FMN1: variants seen among roughly 807,000 people sequenced by gnomAD.
FMN1 encodes formin 1, also known as formin-1.
Under a neutral mutation model 132.4 loss-of-function variants are expected in FMN1, and 110 were observed. The ratio of observed to expected loss-of-function variants is 0.83; its 90% confidence interval spans 0.71 to 0.97. FMN1 has a LOEUF of 0.97. FMN1 is among the 50% of genes least tolerant of loss of function. FMN1 has a pLI of 0.00. For missense variants in FMN1, 1,792 were observed against 1,705.3 expected, an observed-to-expected ratio of 1.05 and a Z score of -0.90; for synonymous variants, 722 against 651.7, an observed-to-expected ratio of 1.11 and a Z score of -1.64.
At chr15:32,846,434 C>T (rs1201016436) in intron 17 of FMN1, among the ~76,000 whole-genome samples, 1 of 152,100 alleles carries the variant, frequency 6.6e-6, no homozygotes, top group Non-Finnish European at 1.5e-5. Flanking sequence ...CTTCTCAAGA[C>T]ATTTATGCGG....
intron 3 of FMN1, among the ~76,000 whole-genome samples, chr15:33,160,626 T>G (rs1319825249): frequency 6.6e-6 from 1 of 152,254 alleles, no homozygotes; most frequent in Non-Finnish European, 1.5e-5. Context: ...AATTCCATGC[T>G]GAGTTCACAG....
intron 6 of FMN1, among the ~76,000 whole-genome samples, chr15:33,009,852 A>G (rs1319504884): frequency 6.6e-6 from 1 of 152,220 alleles, no homozygotes; most frequent in Non-Finnish European, 1.5e-5. Context: ...ACTCAGCAAT[A>G]AAGACGAATA....
intron 4 of FMN1, among the ~76,000 whole-genome samples, chr15:33,093,934 T>C (rs954961116): frequency 6.6e-6 from 1 of 152,212 alleles, no homozygotes; most frequent in African/African-American, 2.4e-5. Flanking sequence ...CCCACCTACA[T>C]GCTCATTTTA....
intron 10 of FMN1, among the ~76,000 whole-genome samples, chr15:32,919,724 C>G (rs58795595): frequency 1.3e-5 from 2 of 152,190 alleles, no homozygotes; most frequent in African/African-American, 4.8e-5. Context: ...AGACACTCTT[C>G]TAGGCTAGAC....
intron 2 of FMN1, among the ~76,000 whole-genome samples, chr15:33,185,590 T>C (rs1419608172): frequency 7.5e-6 from 1 of 133,242 alleles, no homozygotes. Flanking sequence ...TTTTTTTTTT[T>C]ACACAGAGTT....
intron 4 of FMN1, among the ~76,000 whole-genome samples, chr15:33,137,992 T>C (rs987848257): frequency 6.6e-6 from 1 of 152,228 alleles, no homozygotes; most frequent in African/African-American, 2.4e-5. Context: ...AAGATGGAGA[T>C]AATAATAACT....
chr15:33,110,683 TAA>T (rs2039667162), intron 4 of FMN1, among the ~76,000 whole-genome samples: 1 of 127,750 alleles, frequency 7.8e-6, no homozygotes, highest in Admixed American at 7.8e-5. Context: ...TAAATTTATA[TAA>T]ACACAGATCA....
At chr15:32,804,584 T>C (rs1387237510) in intron 17 of FMN1, among the ~76,000 whole-genome samples, 1 of 151,862 alleles carries the variant, frequency 6.6e-6, no homozygotes, top group Non-Finnish European at 1.5e-5. Flanking sequence ...TACATATGTA[T>C]ACATGTGCCA....
intron 5 of FMN1, among the ~76,000 whole-genome samples, chr15:33,065,410 T>A (rs777581745): frequency 2.6e-5 from 4 of 152,198 alleles, no homozygotes; most frequent in African/African-American, 4.8e-5. Flanking sequence ...ACTACACTGA[T>A]GTGCATTTAT....
chr15:33,172,162 C>A (rs1457013914), intron 3 of FMN1, among the ~76,000 whole-genome samples: 1 of 151,376 alleles, frequency 6.6e-6, no homozygotes, highest in Admixed American at 6.6e-5. Flanking sequence ...GAGCCGAGAT[C>A]GCGCCACTGC....
At position 33,153,870 on chromosome 15, in the gene FMN1, T is replaced by C; in HGVS notation, c.1045A>G (p.Lys349Glu). 1 of 1,536,752 alleles carries C rather than the reference T, an allele frequency of 6.5e-7. No homozygotes were observed. The highest frequency in any genetic ancestry group is 8.7e-7 in the Non-Finnish European group (1 of 1,147,044). ...QVQRVVKTHS[K>E]GKETIAIRPA... The stretch of plus-strand genomic sequence containing the variant: ...CGAATGGCAATCGTCTCCTTACCCT[T>C]AGAATGCGTTTTAACTACTCTTTGT... Residue 349 changes from lysine to glutamate, a missense_variant, in exon 4 of 21, where the codon AAG becomes GAG. This residue lies in a region of FMN1 where 638 missense variants were observed against 645.2 expected (regional missense o/e 0.99). Coordinates refer to ENST00000616417, the MANE Select transcript of FMN1 (RefSeq NM_001277313.2).
intron 4 of FMN1, among the ~76,000 whole-genome samples, chr15:33,118,637 A>T (rs1198671902): frequency 2.6e-5 from 4 of 152,152 alleles, no homozygotes; most frequent in African/African-American, 9.6e-5. Flanking sequence ...TCTTCCTCTC[A>T]CATCCTAATA....
At chr15:32,941,249 G>C (rs967133564) in intron 9 of FMN1, among the ~76,000 whole-genome samples, 1 of 152,184 alleles carries the variant, frequency 6.6e-6, no homozygotes, top group African/African-American at 2.4e-5. Flanking sequence ...AGATAGTTCA[G>C]AAAACATTTA....
At chr15:32,878,813 T>A (rs979149528) in intron 16 of FMN1, among the ~76,000 whole-genome samples, 1 of 152,204 alleles carries the variant, frequency 6.6e-6, no homozygotes, top group Non-Finnish European at 1.5e-5. Flanking sequence ...TTTCAATATT[T>A]TATGTTTCTT....
At position 32,832,143 on chromosome 15, in the gene FMN1, A is replaced by G. The variant is rs2058518060; in HGVS notation, c.3928+24872T>C. On this transcript the variant is annotated intron_variant, in intron 17 of 20. Coordinates refer to ENST00000616417, the MANE Select transcript of FMN1 (RefSeq NM_001277313.2). ...GGTTGTTTAAAAATAGCTATACCCC[A>G]AAGAGTTTATTTCCAACATCTGACA... Among the ~76,000 whole-genome samples the G allele has an allele frequency of 2.6e-5, 4 of 152,204 alleles. No individual in the cohort carries two copies. The South Asian group carries it at 6.2e-4, about 24-fold the overall frequency.
At chr15:33,184,501 T>C (rs1032068963) in intron 2 of FMN1, among the ~76,000 whole-genome samples, 31 of 142,480 alleles carry the variant, frequency 2.2e-4, no homozygotes, top group African/African-American at 9.0e-4. Context: ...CTTTTTTTTT[T>C]CTTTTTTTTT....
intron 9 of FMN1, among the ~76,000 whole-genome samples, chr15:32,957,283 T>C (rs977273226): frequency 2.0e-5 from 3 of 147,928 alleles, no homozygotes; most frequent in African/African-American, 7.4e-5. Flanking sequence ...AATTGGAAAG[T>C]TTATCAGAGC....
chr15:33,001,329 A>AT (rs2034093669), intron 7 of FMN1, among the ~76,000 whole-genome samples: 1 of 152,160 alleles, frequency 6.6e-6, no homozygotes, highest in African/African-American at 2.4e-5. Flanking sequence ...CCTTCCCCTT[A>AT]TAGTTCAAAA....
intron 5 of FMN1, among the ~76,000 whole-genome samples, chr15:33,078,912 T>C (rs959811546): frequency 6.6e-6 from 1 of 152,168 alleles, no homozygotes; most frequent in Admixed American, 6.5e-5. Context: ...ACTCTAAGTT[T>C]AGTGAATGCA....
Sources: allele counts gnomAD v4.1 joint callset (sites outside exome capture counted in the v4.1 genomes callset), GRCh38; gene constraint gnomAD v4.1.1; regional missense constraint gnomAD v4.1.1; transcripts MANE v1.5; gene names NCBI Gene and HGNC (gene_info 2026-07-23, HGNC 2026-07-21).